The following TANGO6 variants were observed in gnomAD, a reference collection of about 807,000 sequenced individuals.
TANGO6 encodes the protein transport and Golgi organization protein 6 homolog.
In TANGO6, 90 loss-of-function variants were observed where a neutral mutation model predicts 114.2. The ratio of observed to expected loss-of-function variants is 0.79; its 90% CI spans 0.66 to 0.94. The LOEUF is 0.94. Ranked by LOEUF, TANGO6 falls within the 40% of genes least tolerant of loss-of-function variation. TANGO6 has a pLI of 0.00. For synonymous variants in TANGO6, 477 were observed against 509.8 expected, an observed-to-expected ratio of 0.94 and a Z score of 0.87; for missense variants, 1,274 against 1,315.3, an observed-to-expected ratio of 0.97 and a Z score of 0.49.
intron 7 of TANGO6, among the ~76,000 whole-genome samples, chr16:68,897,341 C>G (rs1962719142): frequency 6.6e-6 from 1 of 152,156 alleles, no homozygotes; most frequent in Non-Finnish European, 1.5e-5. Context: ...TGCCTGCCTC[C>G]TCTACTAGAA....
At chr16:68,981,501 G>A (rs1381285670) in intron 15 of TANGO6, among the ~76,000 whole-genome samples, 2 of 152,084 alleles carry the variant, frequency 1.3e-5, no homozygotes, top group Non-Finnish European at 1.5e-5. Flanking sequence ...GTGAGCCACT[G>A]CACCCAGCCA....
intron 17 of TANGO6, among the ~76,000 whole-genome samples, chr16:69,066,426 C>T (rs1417832775): frequency 6.6e-6 from 1 of 152,124 alleles, no homozygotes. Flanking sequence ...TCCCAAGTAG[C>T]TGGGATTACA....
At chr16:68,974,279 G>A in intron 15 of TANGO6, 111 bp downstream of exon 15, 1 of 1,268,974 alleles carries the variant, frequency 7.9e-7, no homozygotes. Flanking sequence ...AGGGTAGTTT[G>A]AGGGCTGGGA....
rs375589807 is a variant in TANGO6, at chr16:69,009,142, C to T, written c.2843-13686C>T. On this transcript the variant is annotated intron_variant, in intron 15 of 17. Coordinates refer to ENST00000261778, the MANE Select transcript of TANGO6 (RefSeq NM_024562.2). ...GTATGCCCAGGCTGGAGTGCAGTGGCGTGATCTCGGCTCACTGAAATCTCC... is the reference window on the plus strand; with the variant it reads ...GTATGCCCAGGCTGGAGTGCAGTGGTGTGATCTCGGCTCACTGAAATCTCC... 6.2e-4 allele frequency among the ~76,000 whole-genome samples: 77 copies of T among 124,676 alleles called. 2 individuals carry two copies. In the South Asian group the frequency reaches 0.017, roughly 28 times the overall value. The allele number at this position is 124,676 out of a possible 152,430, so 81.8% of individuals were successfully genotyped here.
chr16:68,977,697 C>T (rs1026358180), intron 15 of TANGO6, among the ~76,000 whole-genome samples: 5 of 149,942 alleles, frequency 3.3e-5, no homozygotes, highest in Admixed American at 6.6e-5. Flanking sequence ...AGCCAGATTC[C>T]GTCTCAAAAA....
At chr16:68,928,190 C>A in intron 13 of TANGO6, 107 bp downstream of exon 13, 1 of 1,333,820 alleles carries the variant, frequency 7.5e-7, no homozygotes, top group Non-Finnish European at 9.9e-7. Context: ...CTGGACCACC[C>A]TCCAGAAATT....
At chr16:68,986,364 A>G (rs1274568963) in intron 15 of TANGO6, among the ~76,000 whole-genome samples, 1 of 152,140 alleles carries the variant, frequency 6.6e-6, no homozygotes, top group African/African-American at 2.4e-5. Flanking sequence ...GAGGCAAAGC[A>G]GCTCCTCAGA....
chr16:69,075,909 C>T (rs1024203745), intron 17 of TANGO6, among the ~76,000 whole-genome samples: 9 of 151,308 alleles, frequency 5.9e-5, no homozygotes, highest in Non-Finnish European at 8.8e-5. Context: ...GGACTACAGG[C>T]GTGCACCACC....
At chr16:68,845,612 G>A (rs1407340677) in intron 1 of TANGO6, among the ~76,000 whole-genome samples, 1 of 152,128 alleles carries the variant, frequency 6.6e-6, no homozygotes, top group Non-Finnish European at 1.5e-5. Context: ...CACTTTGGGA[G>A]GCTGAGGCAG....
intron 1 of TANGO6, among the ~76,000 whole-genome samples, chr16:68,846,218 G>A (rs949456526): frequency 2.0e-5 from 3 of 152,052 alleles, no homozygotes; most frequent in Middle Eastern, 3.4e-3. Flanking sequence ...TAGAGACGGC[G>A]TTTCACCATG....
chr16:68,901,223 A>C (rs1189880221), intron 8 of TANGO6, among the ~76,000 whole-genome samples: 1 of 152,196 alleles, frequency 6.6e-6, no homozygotes, highest in East Asian at 1.9e-4. Flanking sequence ...TGTGAAGACT[A>C]AATATGCATT....
chr16:68,861,228 T>C (rs891281629), intron 2 of TANGO6, among the ~76,000 whole-genome samples: 2 of 152,118 alleles, frequency 1.3e-5, no homozygotes, highest in Non-Finnish European at 2.9e-5. Context: ...GGCATCAGCA[T>C]AGGCACTGGC....
chr16:68,871,383 T>C, intron 4 of TANGO6, among the ~76,000 whole-genome samples: 1 of 152,198 alleles, frequency 6.6e-6, no homozygotes, highest in African/African-American at 2.4e-5. Context: ...TGGTGTGGTG[T>C]TGGTTTCTTT....
intron 17 of TANGO6, among the ~76,000 whole-genome samples, chr16:69,062,513 C>T (rs1365819695): frequency 6.6e-6 from 1 of 152,072 alleles, no homozygotes; most frequent in African/African-American, 2.4e-5. Context: ...CACACTGTCA[C>T]CCAGGCTGGA....
At chr16:68,956,186 A>C (rs144760202) in intron 14 of TANGO6, among the ~76,000 whole-genome samples, 12 of 152,118 alleles carry the variant, frequency 7.9e-5, no homozygotes, top group Admixed American at 2.6e-4. Context: ...CAACTATTAC[A>C]TAGGGTAACA....
chr16:69,063,902 T>A (rs972061008), intron 17 of TANGO6, among the ~76,000 whole-genome samples: 35 of 151,404 alleles, frequency 2.3e-4, no homozygotes, highest in African/African-American at 8.0e-4. Context: ...AATGGCACGA[T>A]CTCAACTAAC....
At chr16:68,909,868 T>C (rs1386121458) in intron 11 of TANGO6, among the ~76,000 whole-genome samples, 12 of 152,162 alleles carry the variant, frequency 7.9e-5, no homozygotes, top group Non-Finnish European at 1.5e-5. Context: ...AAATCACTAA[T>C]AATAATGAGA....
chr16:69,037,135 CAA>C (rs1232986110), intron 16 of TANGO6, among the ~76,000 whole-genome samples: 9 of 45,276 alleles, frequency 2.0e-4, no homozygotes, highest in Admixed American at 2.1e-4. Context: ...GAGTCCATCT[CAA>C]AAAAAAAAAA....
At chr16:68,913,418 T>C (rs1472835036) in intron 11 of TANGO6, among the ~76,000 whole-genome samples, 1 of 146,288 alleles carries the variant, frequency 6.8e-6, no homozygotes, top group East Asian at 2.0e-4. Flanking sequence ...TTTTTTTTTT[T>C]TTTTTTTTGA....
Sources: allele counts gnomAD v4.1 joint callset (sites outside exome capture counted in the v4.1 genomes callset), GRCh38; gene constraint gnomAD v4.1.1; transcripts MANE v1.5; gene names NCBI Gene and HGNC (gene_info 2026-07-23, HGNC 2026-07-21).